The following PIBF1 variants were observed in gnomAD, a reference collection of about 807,000 sequenced individuals.
The protein encoded by PIBF1 is progesterone immunomodulatory binding factor 1, also known as progesterone-induced-blocking factor 1.
Under a neutral mutation model 112.5 loss-of-function variants are expected in PIBF1, and 90 were observed. That is an observed-to-expected ratio of 0.80 (90% CI 0.67 to 0.95). The LOEUF (loss-of-function observed/expected upper bound fraction) is 0.95, where lower values mean the gene tolerates loss of function less well. Ranked by LOEUF, PIBF1 falls within the 40% of genes least tolerant of loss-of-function variation. The pLI is 0.00. For missense variants in PIBF1, 915 were observed against 852.3 expected, an observed-to-expected ratio of 1.07 and a Z score of -0.92; for synonymous variants, 301 against 288.6, an observed-to-expected ratio of 1.04 and a Z score of -0.44.
chr13:72,957,669 A>T (rs959735937), intron 14 of PIBF1, among the ~76,000 whole-genome samples: 2 of 152,144 alleles, frequency 1.3e-5, no homozygotes, highest in African/African-American at 4.8e-5. Flanking sequence ...TGAAATAAAA[A>T]AATAATAATA....
chr13:72,800,562 C>T (rs763751579), intron 5 of PIBF1, among the ~76,000 whole-genome samples: 3 of 152,088 alleles, frequency 2.0e-5, no homozygotes, highest in East Asian at 3.9e-4. Context: ...AAAATAGGGA[C>T]GATAACATGT....
chr13:72,782,226 T>A lies in PIBF1; in HGVS notation c.-171T>A. On this transcript the variant is annotated 5_prime_UTR_variant, in exon 1 of 18. Coordinates refer to ENST00000326291, the MANE Select transcript of PIBF1 (RefSeq NM_006346.4). ...TTGGTTACGGGTCCTAACGGTCCCC[T>A]GCCTTGAAATCCCTTGTTGAGGGCC... is the stretch of plus-strand genomic sequence containing the variant. 5.2e-6 allele frequency: 1 copy of A among 193,470 alleles called. No homozygotes were observed. Among genetic ancestry groups the A allele is most frequent in the Non-Finnish European group, 1.1e-5 (1 of 94,020 alleles). 12.0% of individuals were successfully genotyped at this position (193,470 alleles called of 1,614,324 possible).
intron 8 of PIBF1, among the ~76,000 whole-genome samples, chr13:72,831,107 G>C (rs746306337): frequency 6.6e-6 from 1 of 151,838 alleles, no homozygotes; most frequent in Non-Finnish European, 1.5e-5. Flanking sequence ...GGGATCGTTG[G>C]TGAGCTCCCC....
At chr13:72,918,855 C>T (rs1373979965) in intron 13 of PIBF1, among the ~76,000 whole-genome samples, 3 of 151,892 alleles carry the variant, frequency 2.0e-5, no homozygotes, top group Non-Finnish European at 2.9e-5. Context: ...AGGCATGTGC[C>T]ACCATGCCTG....
At chr13:72,965,441 G>T (rs1460154721) in intron 15 of PIBF1, 37 bp downstream of exon 15, 7 of 1,543,828 alleles carry the variant, frequency 4.5e-6, no homozygotes, top group Non-Finnish European at 6.2e-6. Context: ...GAATAATAAA[G>T]ACATTGTTAC....
intron 10 of PIBF1, among the ~76,000 whole-genome samples, chr13:72,880,762 G>C (rs1234354720): frequency 1.3e-5 from 2 of 152,078 alleles, no homozygotes. Flanking sequence ...GATTATTTGA[G>C]ACCTTTTTTG....
chr13:73,013,277 G>A (rs1463551497), intron 17 of PIBF1, among the ~76,000 whole-genome samples: 20 of 140,114 alleles, frequency 1.4e-4, no homozygotes, highest in Admixed American at 3.5e-4. Context: ...CTCCAGCCTG[G>A]GCGACAGAGC....
At chr13:72,974,599 G>C (rs2042974943) in intron 16 of PIBF1, among the ~76,000 whole-genome samples, 1 of 152,170 alleles carries the variant, frequency 6.6e-6, no homozygotes, top group African/African-American at 2.4e-5. Context: ...GATTACAGGT[G>C]TGAGCCTGTA....
chr13:72,886,674 A>G (rs1224471949), intron 10 of PIBF1, among the ~76,000 whole-genome samples: 1 of 152,034 alleles, frequency 6.6e-6, no homozygotes, highest in Non-Finnish European at 1.5e-5. Context: ...AGATGCATTG[A>G]ATTACTCCAA....
intron 3 of PIBF1, among the ~76,000 whole-genome samples, chr13:72,792,756 A>C (rs572645431): frequency 6.6e-6 from 1 of 152,232 alleles, no homozygotes; most frequent in East Asian, 1.9e-4. Context: ...TTCATTCAAC[A>C]AACATTGGTC....
intron 11 of PIBF1, among the ~76,000 whole-genome samples, chr13:72,896,379 T>C (rs1360274651): frequency 6.6e-6 from 1 of 152,028 alleles, no homozygotes; most frequent in Non-Finnish European, 1.5e-5. Context: ...ACCCTGGTAA[T>C]ATAACAAAAC....
intron 10 of PIBF1, among the ~76,000 whole-genome samples, chr13:72,862,605 A>T (rs1016445250): frequency 6.7e-6 from 1 of 148,516 alleles, no homozygotes; most frequent in African/African-American, 2.5e-5. Flanking sequence ...TATTTCTGTG[A>T]TGTAAATCAG....
At chr13:73,008,322 A>G (rs2044100131) in intron 17 of PIBF1, among the ~76,000 whole-genome samples, 1 of 152,168 alleles carries the variant, frequency 6.6e-6, no homozygotes, top group African/African-American at 2.4e-5. Flanking sequence ...TTAGAATCAC[A>G]AGTACTACCC....
intron 16 of PIBF1, among the ~76,000 whole-genome samples, chr13:72,990,410 A>G (rs757838907): frequency 6.6e-6 from 1 of 150,854 alleles, no homozygotes; most frequent in Non-Finnish European, 1.5e-5. Flanking sequence ...AGTCCCAGCT[A>G]CTCAGGAGGC....
In PIBF1 at chr13:72,827,032, G is replaced by C. The variant is rs1177239741; in HGVS notation, c.829G>C (p.Glu277Gln). Reference protein sequence around the residue: ...VKSERDALEQEVIELRRKHEI... With the variant: ...VKSERDALEQQVIELRRKHEI... ...CAGTGAACGTGATGCACTTGAACAG[G>C]AAGTAATTGAGCTTAGGAGAAAACA... The change falls in exon 7 of 18, where the codon GAA (glutamate) becomes CAA (glutamine). Residue 277 changes from glutamate (E) to glutamine (Q), a missense_variant. Physicochemically the swap from Glu to Gln is conservative, Grantham distance 29. Transcript: ENST00000326291. 3 of 1,598,246 alleles carry C rather than the reference G, an allele frequency of 1.9e-6. No homozygotes were observed. Among genetic ancestry groups the C allele is most frequent in the African/African-American group, 2.7e-5 (2 of 74,054 alleles).
intron 13 of PIBF1, among the ~76,000 whole-genome samples, chr13:72,921,052 AAGG>A (rs1466484797): frequency 2.0e-5 from 3 of 152,114 alleles, no homozygotes; most frequent in Non-Finnish European, 4.4e-5. Context: ...ATTTAATTGG[AAGG>A]AGATTTCTGA....
intron 17 of PIBF1, among the ~76,000 whole-genome samples, chr13:73,006,067 G>A (rs766702054): frequency 1.4e-4 from 18 of 128,904 alleles, no homozygotes; most frequent in South Asian, 3.2e-4. Context: ...TTACAGGGAC[G>A]CACCACCATG....
At chr13:72,977,162 C>T (rs898320536) in intron 16 of PIBF1, among the ~76,000 whole-genome samples, 5 of 147,336 alleles carry the variant, frequency 3.4e-5, no homozygotes, top group African/African-American at 1.3e-4. Flanking sequence ...CATTGGACAG[C>T]TCTTGCTTTA....
intron 13 of PIBF1, among the ~76,000 whole-genome samples, chr13:72,927,992 C>CATATATATATATATAT (rs1566458232): frequency 3.9e-5 from 2 of 50,748 alleles, no homozygotes; most frequent in Non-Finnish European, 7.5e-5. Context: ...TATATATACA[C>CATATATATATATATAT]ACACATATAT....
Sources: allele counts gnomAD v4.1 joint callset (sites outside exome capture counted in the v4.1 genomes callset), GRCh38; gene constraint gnomAD v4.1.1; transcripts MANE v1.5; gene names NCBI Gene and HGNC (gene_info 2026-07-23, HGNC 2026-07-21).